The following PRELID2 variants were observed in gnomAD, a reference collection of about 807,000 sequenced individuals.
The protein encoded by PRELID2 is PRELI domain-containing protein 2.
A neutral mutation model predicts 28.4 loss-of-function variants in PRELID2; 25 were observed. That is an observed-to-expected ratio of 0.88 (90% CI 0.64 to 1.23). The LOEUF (loss-of-function observed/expected upper bound fraction) is 1.23, where lower values mean the gene tolerates loss of function less well. PRELID2 is among the 50% of genes most tolerant of loss of function. The pLI is 0.00. For synonymous variants in PRELID2, 76 were observed against 71.6 expected (o/e 1.06, Z -0.31); for missense variants, 201 against 214.4 (o/e 0.94, Z 0.39).
intron 1 of PRELID2, among the ~76,000 whole-genome samples, chr5:145,584,882 CT>C (rs759679992): frequency 2.0e-5 from 3 of 152,116 alleles, no homozygotes; most frequent in Non-Finnish European, 2.9e-5. Flanking sequence ...TGTGGAAACT[CT>C]TCAAAGATCT....
At chr5:145,419,631 C>A in the PRELID2 span, among the ~76,000 whole-genome samples, 1 of 151,228 alleles carries the variant, frequency 6.6e-6, no homozygotes, top group Non-Finnish European at 1.5e-5. Context: ...TGGATATTAG[C>A]CCTTTGTCAG....
At chr5:145,341,455 G>A in the PRELID2 span, among the ~76,000 whole-genome samples, 26 of 152,052 alleles carry the variant, frequency 1.7e-4, 1 homozygote, top group Non-Finnish European at 2.9e-4. Context: ...GATGAGAATC[G>A]CTTGAACCTG....
intron 1 of PRELID2, among the ~76,000 whole-genome samples, chr5:145,530,177 A>C (rs1194290922): frequency 6.6e-6 from 1 of 152,154 alleles, no homozygotes; most frequent in African/African-American, 2.4e-5. Context: ...CTCCTAGTCC[A>C]ATGCCCTCTC....
chr5:145,522,189 T>A lies in PRELID2; in HGVS notation n.71-48874A>T, dbSNP rs116199994. ...GATAAAATTTCTTTGTCCCAATTCC[T>A]AGTCTCTTCATCTCTCCTTTCTTCA... On this transcript the variant is annotated intron_variant and non_coding_transcript_variant, in intron 1 of 2. Coordinates refer to the PRELID2 transcript ENST00000510259. Among the ~76,000 whole-genome samples, 1,186 of 152,326 alleles carry A rather than the reference T, an allele frequency of 7.8e-3. 20 individuals are homozygous for A. Among genetic ancestry groups the A allele is most frequent in the African/African-American group, 0.027 (1,103 of 41,554 alleles).
the PRELID2 span, chr5:145,229,784 C>G: frequency 1.3e-6 from 1 of 755,804 alleles, no homozygotes. Flanking sequence ...TGATATACAC[C>G]AGTTTCTGAC....
intron 5 of PRELID2, among the ~76,000 whole-genome samples, chr5:145,784,515 A>G (rs1437424396): frequency 6.6e-6 from 1 of 152,204 alleles, no homozygotes; most frequent in African/African-American, 2.4e-5. Context: ...TTCTCTTGGG[A>G]GAAAATTTGG....
chr5:145,496,851 C>T (rs1752314143), intron 1 of PRELID2, among the ~76,000 whole-genome samples: 1 of 151,924 alleles, frequency 6.6e-6, no homozygotes, highest in Non-Finnish European at 1.5e-5. Context: ...CAGACCAGAC[C>T]CAATAATTTG....
chr5:145,666,865 T>C lies in PRELID2; in HGVS notation n.70+98066A>G, dbSNP rs947359388. On this transcript the variant is annotated intron_variant and non_coding_transcript_variant, in intron 1 of 2. Transcript: ENST00000510259. ...TGCTAATGAAATTTATCCCAGTTTT[T>C]GTGTTTATTTATAGCACACCAATTC... 3.3e-5 allele frequency among the ~76,000 whole-genome samples: 5 copies of C among 152,202 alleles called. No homozygotes were observed. In the East Asian group the frequency reaches 9.7e-4, roughly 29 times the overall value.
At chr5:145,252,294 G>T in the PRELID2 span, among the ~76,000 whole-genome samples, 1 of 152,122 alleles carries the variant, frequency 6.6e-6, no homozygotes. Flanking sequence ...AGATTCTCTG[G>T]CCCTGTCTTA....
At chr5:145,722,568 G>A (rs1453233855) in intron 1 of PRELID2, among the ~76,000 whole-genome samples, 1 of 151,884 alleles carries the variant, frequency 6.6e-6, no homozygotes, top group Non-Finnish European at 1.5e-5. Context: ...GCACAATCTT[G>A]GCTCACTGCA....
chr5:145,541,638 A>T (rs985380118), intron 1 of PRELID2, among the ~76,000 whole-genome samples: 1 of 152,046 alleles, frequency 6.6e-6, no homozygotes, highest in Non-Finnish European at 1.5e-5. Context: ...GTATAGTTTT[A>T]TTTCTGTAAA....
At chr5:145,768,731 A>G (rs1051685317) in intron 5 of PRELID2, among the ~76,000 whole-genome samples, 1 of 152,188 alleles carries the variant, frequency 6.6e-6, no homozygotes, top group African/African-American at 2.4e-5. Context: ...TGAACTGAAC[A>G]CTAATTGACA....
At chr5:145,785,466 A>T (rs183111602) in intron 5 of PRELID2, among the ~76,000 whole-genome samples, 233 of 152,364 alleles carry the variant, frequency 1.5e-3, no homozygotes, top group Admixed American at 5.3e-3. Context: ...CACATGATGT[A>T]TACTACGATA....
chr5:145,282,680 CG>C, the PRELID2 span, among the ~76,000 whole-genome samples: 42 of 151,864 alleles, frequency 2.8e-4, no homozygotes, highest in Non-Finnish European at 4.0e-4. Flanking sequence ...CCAACATGCC[CG>C]GCTAATTTTT....
At chr5:145,721,721 A>G (rs1211868620) in intron 1 of PRELID2, among the ~76,000 whole-genome samples, 1 of 152,128 alleles carries the variant, frequency 6.6e-6, no homozygotes, top group Non-Finnish European at 1.5e-5. Flanking sequence ...CACACCTAAA[A>G]ACAGTGATTC....
At chr5:145,418,624 A>G in the PRELID2 span, among the ~76,000 whole-genome samples, 1 of 152,324 alleles carries the variant, frequency 6.6e-6, no homozygotes, top group African/African-American at 2.4e-5. Context: ...AAACCTGACA[A>G]AAACAACCAA....
chr5:145,416,283 C>G, the PRELID2 span, among the ~76,000 whole-genome samples: 2 of 151,930 alleles, frequency 1.3e-5, no homozygotes, highest in African/African-American at 4.8e-5. Context: ...GGATTAAAGA[C>G]TTAAACGTTA....
the PRELID2 span, chr5:145,229,437 A>T: frequency 1.2e-6 from 1 of 801,050 alleles, no homozygotes; most frequent in Non-Finnish European, 2.2e-6. Flanking sequence ...CCAGGTCTCT[A>T]CACAAAGATC....
At chr5:145,741,208 T>C (rs1374519759) in intron 1 of PRELID2, among the ~76,000 whole-genome samples, 2 of 31,948 alleles carry the variant, frequency 6.3e-5, no homozygotes, top group African/African-American at 1.9e-4. Flanking sequence ...CAGATATAAA[T>C]ATATATAAAA....
Sources: allele counts gnomAD v4.1 joint callset (sites outside exome capture counted in the v4.1 genomes callset), GRCh38; gene constraint gnomAD v4.1.1; transcripts MANE v1.5; gene names NCBI Gene and HGNC (gene_info 2026-07-23, HGNC 2026-07-21).